The following PAPPA variants were observed in gnomAD, a reference collection of about 807,000 sequenced individuals.
PAPPA encodes the protein pappalysin 1.
PAPPA carries 60 observed loss-of-function variants against 164.0 expected under a neutral mutation model. That is an observed-to-expected ratio of 0.37 (90% CI 0.30 to 0.45). PAPPA has a LOEUF of 0.45. Ranked by LOEUF, PAPPA falls within the 20% of genes least tolerant of loss-of-function variation. The pLI, the probability that PAPPA is intolerant of heterozygous loss-of-function variation, is 1.00. For missense variants in PAPPA, 1,782 were observed against 2,087.3 expected (o/e 0.85, Z 2.85); for synonymous variants, 875 against 814.1 (o/e 1.07, Z -1.27).
chr9:116,176,076 T>C (rs1843830495), intron 1 of PAPPA, among the ~76,000 whole-genome samples: 1 of 152,160 alleles, frequency 6.6e-6, no homozygotes, highest in Admixed American at 6.5e-5. Flanking sequence ...TGGTGGAGAC[T>C]CATGAAGACT....
chr9:116,208,833 T>C (rs1463928818), intron 3 of PAPPA, among the ~76,000 whole-genome samples: 2 of 152,180 alleles, frequency 1.3e-5, no homozygotes, highest in African/African-American at 2.4e-5. Context: ...TTTGTGTGTG[T>C]GTGTGTGTGC....
intron 13 of PAPPA, among the ~76,000 whole-genome samples, chr9:116,336,594 T>A (rs1846064795): frequency 6.6e-6 from 1 of 152,222 alleles, no homozygotes; most frequent in Non-Finnish European, 1.5e-5. Context: ...AGGCCCAGAC[T>A]GACTTGTTTG....
intron 7 of PAPPA, among the ~76,000 whole-genome samples, chr9:116,256,514 TTAAAGG>T (rs1844929559): frequency 6.6e-6 from 1 of 151,808 alleles, no homozygotes; most frequent in Admixed American, 6.6e-5. Context: ...TGCTGAAAGG[TTAAAGG>T]TAAAGGTGGG....
intron 10 of PAPPA, among the ~76,000 whole-genome samples, chr9:116,322,308 G>A (rs1845866810): frequency 6.6e-6 from 1 of 151,822 alleles, no homozygotes; most frequent in South Asian, 2.1e-4. Flanking sequence ...TACTCGGGGG[G>A]TGGAGGCAGG....
At chr9:116,246,826 A>T (rs1844802203) in intron 7 of PAPPA, among the ~76,000 whole-genome samples, 3 of 152,142 alleles carry the variant, frequency 2.0e-5, no homozygotes, top group Admixed American at 2.0e-4. Context: ...ACCAGCCTGG[A>T]CAGCATAGAA....
At chr9:116,299,884 T>C (rs1263156384) in intron 9 of PAPPA, among the ~76,000 whole-genome samples, 2 of 152,134 alleles carry the variant, frequency 1.3e-5, no homozygotes, top group East Asian at 3.9e-4. Flanking sequence ...TCCATTTTTT[T>C]TTTTTTTTCA....
chr9:116,179,579 G>T (rs182270312), intron 1 of PAPPA, among the ~76,000 whole-genome samples: 5 of 152,272 alleles, frequency 3.3e-5, no homozygotes, highest in African/African-American at 9.6e-5. Context: ...TTTTGACCCG[G>T]GGTGGACCCG....
intron 3 of PAPPA, among the ~76,000 whole-genome samples, chr9:116,209,293 T>C (rs1284498872): frequency 6.6e-6 from 1 of 152,168 alleles, no homozygotes; most frequent in Non-Finnish European, 1.5e-5. Flanking sequence ...TACTTAGCAG[T>C]ATGGCCTTAG....
At position 116,187,434 on chromosome 9, in the gene PAPPA, C is replaced by T; in HGVS notation, c.696C>T (p.Thr232=). The part of the protein sequence containing the change: ...EQVGGIFSPL[T]QKCKVLMLGG... ...TGGGTGGCATATTCAGCCCACTGAC[C>T]CAGAAGTGCAAAGTGCTCATGTTAG... is the stretch of plus-strand genomic sequence containing the variant. The change falls in exon 2 of 22, where the codon ACC becomes ACT. Residue 232 remains threonine (T), a synonymous_variant. Transcript: ENST00000328252. This position sits in a 1 kb window ranked among gnomAD's most constrained non-coding sequence, Gnocchi z 4.2. The T allele has an allele frequency of 6.2e-7, 1 of 1,614,098 alleles. No individual in the cohort carries two copies. The highest frequency in any genetic ancestry group is 8.5e-7 in the Non-Finnish European group (1 of 1,180,018).
At position 116,298,743 on chromosome 9, in the gene PAPPA, G is replaced by C. The variant is rs187952759; in HGVS notation, c.2954-4014G>C. Among the ~76,000 whole-genome samples, 7 of 152,306 alleles carry C rather than the reference G, an allele frequency of 4.6e-5. No individual in the cohort carries two copies. In the East Asian group the frequency reaches 1.4e-3, roughly 29 times the overall value. On this transcript the variant is annotated intron_variant, in intron 9 of 21. Coordinates refer to ENST00000328252, the MANE Select transcript of PAPPA (RefSeq NM_002581.5). ...AGGATGTGTATGTGTATAAAAGTGTGTATGTGTGCACATGAATGTGTATGT... is the reference window on the plus strand; with the variant it reads ...AGGATGTGTATGTGTATAAAAGTGTCTATGTGTGCACATGAATGTGTATGT...
Position 116,194,074 on chromosome 9 carries a change from G to C in PAPPA, c.1478+5858G>C, listed in dbSNP as rs759977665. Among the ~76,000 whole-genome samples, 97 of 152,310 alleles carry C rather than the reference G, an allele frequency of 6.4e-4. 1 individual carries two copies. Among genetic ancestry groups the C allele is most frequent in the African/African-American group, 2.3e-3 (95 of 41,566 alleles). On this transcript the variant is annotated intron_variant, in intron 2 of 21. Coordinates refer to ENST00000328252, the MANE Select transcript of PAPPA (RefSeq NM_002581.5). Reference sequence around the variant, plus strand: ...GGAGATGCAAGAAAGATGTGAGTCTGGTTGGGGCTTCATGAAGGTAGATGC... The same window carrying C: ...GGAGATGCAAGAAAGATGTGAGTCTCGTTGGGGCTTCATGAAGGTAGATGC...
At chr9:116,244,516 G>A (rs1844773560) in intron 7 of PAPPA, among the ~76,000 whole-genome samples, 1 of 152,140 alleles carries the variant, frequency 6.6e-6, no homozygotes, top group Non-Finnish European at 1.5e-5. Context: ...CTGAATAATA[G>A]TACACACAAA....
intron 2 of PAPPA, among the ~76,000 whole-genome samples, chr9:116,200,141 C>T (rs936947059): frequency 6.6e-6 from 1 of 152,178 alleles, no homozygotes; most frequent in African/African-American, 2.4e-5. Context: ...CTTCCTCAAC[C>T]TTGCAAGTGA....
chr9:116,210,381 C>T (rs754639889), intron 3 of PAPPA, among the ~76,000 whole-genome samples: 1 of 152,086 alleles, frequency 6.6e-6, no homozygotes, highest in Non-Finnish European at 1.5e-5. Flanking sequence ...GCAAGCACAC[C>T]ATTCCAGAGG....
At chr9:116,194,715 A>G (rs867248741) in intron 2 of PAPPA, among the ~76,000 whole-genome samples, 4 of 152,164 alleles carry the variant, frequency 2.6e-5, no homozygotes, top group South Asian at 2.1e-4. Context: ...GGTATGGTAC[A>G]GTGCCTGGCA....
rs545438262 is a variant in PAPPA at position 116,347,325 on chromosome 9, G to C, written c.3964+116G>C. The C allele has an allele frequency of 2.5e-6, 2 of 795,600 alleles. No individual in the cohort carries two copies. Among genetic ancestry groups the C allele is most frequent in the South Asian group, 3.9e-5 (2 of 50,672 alleles). 49.3% of individuals were successfully genotyped at this position (795,600 alleles called of 1,614,324 possible). A position where few individuals can be genotyped will look rare whatever the true frequency, so the allele number is the denominator to read the frequency against. On this transcript the variant is annotated intron_variant, in intron 15 of 21. Coordinates refer to ENST00000328252, the MANE Select transcript of PAPPA (RefSeq NM_002581.5). This position sits in a 1 kb window ranked among gnomAD's most constrained non-coding sequence, Gnocchi z 4.5. The stretch of plus-strand genomic sequence containing the variant: ...CAAGGGTGGGATGGGTTTTATCTAT[G>C]CTCCTGACTTCTTCCTACTAATTGT...
chr9:116,338,467 A>G (rs76752548), intron 13 of PAPPA, among the ~76,000 whole-genome samples: 2,802 of 152,258 alleles, frequency 0.018, 87 homozygotes, highest in African/African-American at 0.064. Flanking sequence ...GGAGCCAAGT[A>G]TTTCTAGAGT....
At chr9:116,333,307 CTAT>C (rs1185421090) in intron 12 of PAPPA, among the ~76,000 whole-genome samples, 1 of 152,194 alleles carries the variant, frequency 6.6e-6, no homozygotes, top group Non-Finnish European at 1.5e-5. Flanking sequence ...TCAGAGTGCA[CTAT>C]TATTTGACAC....
rs932858919 is a variant in PAPPA at position 116,154,428 on chromosome 9, G to A, written c.256G>A (p.Ala86Thr). 9.6e-6 allele frequency: 12 copies of A among 1,253,166 alleles called. No homozygotes were observed. Among genetic ancestry groups the A allele is most frequent in the South Asian group, 5.5e-5 (2 of 36,244 alleles). The allele number at this position is 1,253,166 out of a possible 1,614,324, so 77.6% of individuals were successfully genotyped here. Residue 86 changes from alanine to threonine, a missense_variant, in exon 1 of 22, where the codon GCC (alanine) becomes ACC (threonine). This residue lies in a region of PAPPA where 458 missense variants were observed against 430.3 expected (regional missense o/e 1.06). Coordinates refer to ENST00000328252, the MANE Select transcript of PAPPA (RefSeq NM_002581.5). The surrounding 1 kb of genome is among the most constrained non-coding windows in gnomAD (Gnocchi z 5.2). ...RRRQQREARG[A>T]TEEPSPPSRA... The stretch of plus-strand genomic sequence containing the variant: ...GCGGCAGCAGCGGGAGGCGAGGGGC[G>A]CCACCGAGGAGCCGAGCCCGCCGAG...
Sources: gnomAD v4.1 joint callset for allele counts (sites outside exome capture counted in the v4.1 genomes callset) on GRCh38, gnomAD v4.1.1 for gene constraint, gnomAD v4.1.1 regional missense constraint, Gnocchi (gnomAD v3.1) non-coding constraint, MANE v1.5 for transcripts, NCBI Gene and HGNC (gene_info 2026-07-23, HGNC 2026-07-21) for gene names.